CDC14A: variants seen among roughly 807,000 people sequenced by gnomAD.
The protein encoded by CDC14A is dual specificity protein phosphatase CDC14A.
CDC14A carries 53 observed loss-of-function variants against 74.4 expected under a neutral mutation model. That is an observed-to-expected ratio of 0.71 (90% CI 0.57 to 0.89). The LOEUF (loss-of-function observed/expected upper bound fraction) is 0.89. CDC14A is among the 40% of genes least tolerant of loss of function. The pLI is 0.00. For synonymous variants in CDC14A, 247 were observed against 258.4 expected (o/e 0.96, Z 0.43); for missense variants, 646 against 713.7 (o/e 0.91, Z 1.08).
intron 10 of CDC14A, among the ~76,000 whole-genome samples, chr1:100,475,569 G>A (rs893533489): frequency 1.3e-5 from 2 of 152,104 alleles, no homozygotes; most frequent in Admixed American, 6.5e-5. Context: ...GGGGGGCAGG[G>A]GGTTGCCACA....
intron 11 of CDC14A, among the ~76,000 whole-genome samples, chr1:100,487,936 A>G (rs143127494): frequency 0.013 from 2,052 of 152,224 alleles, 50 homozygotes; most frequent in African/African-American, 0.046. Flanking sequence ...TGTCTTCATC[A>G]TGATTCTGTT....
At chr1:100,370,130 T>A (rs1201503055) in intron 2 of CDC14A, among the ~76,000 whole-genome samples, 1 of 152,012 alleles carries the variant, frequency 6.6e-6, no homozygotes, top group Admixed American at 6.6e-5. Flanking sequence ...ACTACAGGCA[T>A]GCACTACCAC....
intron 4 of CDC14A, among the ~76,000 whole-genome samples, chr1:100,410,880 A>G (rs775754438): frequency 2.0e-5 from 3 of 152,230 alleles, no homozygotes; most frequent in South Asian, 2.1e-4. Flanking sequence ...ATTAAGGAAC[A>G]TTGGTTGATC....
At chr1:100,386,074 T>A (rs1373728431) in intron 3 of CDC14A, among the ~76,000 whole-genome samples, 1 of 151,308 alleles carries the variant, frequency 6.6e-6, no homozygotes, top group African/African-American at 2.4e-5. Context: ...GGCTGAGGCA[T>A]GAGAATTGCT....
chr1:100,499,285 C>CT, intron 15 of CDC14A, 23 bp downstream of exon 15: 2 of 1,614,214 alleles, frequency 1.2e-6, no homozygotes, highest in Non-Finnish European at 1.7e-6. Context: ...ACACCACCTC[C>CT]TGGTCCTCAG....
chr1:100,454,293 C>T (rs1158439322), intron 7 of CDC14A, among the ~76,000 whole-genome samples: 1 of 151,706 alleles, frequency 6.6e-6, no homozygotes, highest in Non-Finnish European at 1.5e-5. Flanking sequence ...AACGGATGGC[C>T]CAGTGAAGAG....
At chr1:100,447,491 A>T (rs1665690916) in intron 7 of CDC14A, among the ~76,000 whole-genome samples, 1 of 152,224 alleles carries the variant, frequency 6.6e-6, no homozygotes, top group Non-Finnish European at 1.5e-5. Flanking sequence ...TTCCTCTAGG[A>T]ATCAGTGTCA....
intron 5 of CDC14A, among the ~76,000 whole-genome samples, chr1:100,429,366 AGGTTAGGTAG>A (rs1663359692): frequency 6.6e-6 from 1 of 151,960 alleles, no homozygotes. Context: ...TCTGGAGGTA[AGGTTAGGTAG>A]GGTAATGTGC....
chr1:100,415,667 T>G (rs1405606782), intron 4 of CDC14A, among the ~76,000 whole-genome samples: 1 of 152,264 alleles, frequency 6.6e-6, no homozygotes, highest in Non-Finnish European at 1.5e-5. Context: ...CATTCATTCT[T>G]ACTCTGTTTT....
chr1:100,353,763 TC>T lies in CDC14A; in HGVS notation c.52del (p.Arg18GlyfsTer7). 4 of 1,545,252 alleles carry T rather than the reference TC, an allele frequency of 2.6e-6. No homozygotes were observed. The highest frequency in any genetic ancestry group is 3.6e-6 in the Non-Finnish European group (4 of 1,122,862). Reference sequence around the variant, plus strand: ...CTGTCTTTTAAACTTGTCTTTCAGATCGGTTATATTTTGCTACTTTAAGGAA... The same window carrying T: ...CTGTCTTTTAAACTTGTCTTTCAGATGGTTATATTTTGCTACTTTAAGGAA... ...LIGACEFMKD[R>X]LYFATLRNRP... On this transcript the variant is annotated frameshift_variant and splice_region_variant, in exon 2 of 16. Coordinates refer to ENST00000336454, the MANE Select transcript of CDC14A (RefSeq NM_003672.4). LOFTEE classifies it high-confidence loss of function.
chr1:100,503,320 T>A (rs1648944877), intron 15 of CDC14A, among the ~76,000 whole-genome samples: 1 of 152,212 alleles, frequency 6.6e-6, no homozygotes, highest in Admixed American at 6.5e-5. Flanking sequence ...ATAAAAATGT[T>A]TTAAAATTCT....
At chr1:100,419,098 A>C (rs1160031987) in intron 4 of CDC14A, among the ~76,000 whole-genome samples, 1 of 152,158 alleles carries the variant, frequency 6.6e-6, no homozygotes, top group Non-Finnish European at 1.5e-5. Context: ...AGGTGGGAGG[A>C]TGGCTTGAGC....
intron 11 of CDC14A, among the ~76,000 whole-genome samples, chr1:100,490,472 A>G (rs1260143270): frequency 6.6e-6 from 1 of 152,144 alleles, no homozygotes; most frequent in African/African-American, 2.4e-5. Context: ...AGTACGGTTT[A>G]CATTTTAGTA....
At chr1:100,493,015 T>A (rs1162951718) in intron 11 of CDC14A, among the ~76,000 whole-genome samples, 1 of 152,226 alleles carries the variant, frequency 6.6e-6, no homozygotes, top group Non-Finnish European at 1.5e-5. Context: ...GAAGAGCATA[T>A]CCTGTAATAG....
At chr1:100,404,744 C>G (rs937647740) in intron 4 of CDC14A, among the ~76,000 whole-genome samples, 1 of 152,102 alleles carries the variant, frequency 6.6e-6, no homozygotes, top group East Asian at 1.9e-4. Context: ...GCAGGAGAAT[C>G]GCTTGAACCC....
intron 7 of CDC14A, among the ~76,000 whole-genome samples, chr1:100,452,990 G>A (rs1442917301): frequency 6.6e-6 from 1 of 152,040 alleles, no homozygotes; most frequent in African/African-American, 2.4e-5. Context: ...ATTAACTTTG[G>A]AAGACTACCA....
intron 15 of CDC14A, among the ~76,000 whole-genome samples, chr1:100,510,523 A>G (rs1435790833): frequency 2.0e-5 from 3 of 152,082 alleles, no homozygotes; most frequent in Non-Finnish European, 4.4e-5. Context: ...ACTCTGCTCC[A>G]TGACCTCTTT....
chr1:100,488,195 A>C (rs1310620790), intron 11 of CDC14A, among the ~76,000 whole-genome samples: 1 of 152,212 alleles, frequency 6.6e-6, no homozygotes, highest in African/African-American at 2.4e-5. Flanking sequence ...GCAAATATTA[A>C]ATCAGGATCT....
chr1:100,381,059 T>A (rs776670634), intron 3 of CDC14A, among the ~76,000 whole-genome samples: 12 of 152,222 alleles, frequency 7.9e-5, no homozygotes, highest in Non-Finnish European at 1.5e-4. Flanking sequence ...TCATTCTCAC[T>A]AGACTATGAG....
Sources: gnomAD v4.1 joint callset for allele counts (sites outside exome capture counted in the v4.1 genomes callset) on GRCh38, gnomAD v4.1.1 for gene constraint, MANE v1.5 for transcripts, NCBI Gene and HGNC (gene_info 2026-07-23, HGNC 2026-07-21) for gene names.